EEF1E1: variants seen among roughly 807,000 people sequenced by gnomAD.
The protein encoded by EEF1E1 is eukaryotic translation elongation factor 1 epsilon-1.
In EEF1E1, 19 loss-of-function variants were observed where a neutral mutation model predicts 19.9. The observed-to-expected ratio is 0.95, with a 90% confidence interval of 0.66 to 1.40. The LOEUF (loss-of-function observed/expected upper bound fraction) is 1.40, where lower values mean the gene tolerates loss of function less well. Ranked by LOEUF, EEF1E1 falls within the 40% of genes most tolerant of loss-of-function variation. The pLI, the probability that EEF1E1 is intolerant of heterozygous loss-of-function variation, is 0.00. For synonymous variants in EEF1E1, 81 were observed against 80.0 expected (o/e 1.01, Z -0.07); for missense variants, 198 against 202.2 (o/e 0.98, Z 0.13).
intron 3 of EEF1E1, among the ~76,000 whole-genome samples, chr6:8,081,121 G>A (rs548714698): frequency 1.3e-5 from 2 of 152,302 alleles, no homozygotes; most frequent in Non-Finnish European, 2.9e-5. Flanking sequence ...ATGTTTATTT[G>A]GACTCGTATT....
intron 2 of EEF1E1, 123 bp downstream of exon 2, chr6:8,097,144 C>G (rs1323147343): frequency 2.1e-6 from 2 of 946,756 alleles, no homozygotes; most frequent in Non-Finnish European, 3.3e-6. Flanking sequence ...ATAACAGATG[C>G]AAACTACTGA....
At position 8,099,785 on chromosome 6, in the gene EEF1E1, C is replaced by G. The variant is rs924611245; in HGVS notation, c.88-2318G>C. On this transcript the variant is annotated intron_variant, in intron 1 of 3. Coordinates refer to ENST00000379715, the MANE Select transcript of EEF1E1 (RefSeq NM_004280.5). ...ACACACACACACACACACACACACA[C>G]ACACACAAAAAAAAAACAGAACCCT... Among the ~76,000 whole-genome samples the G allele has an allele frequency of 3.9e-3, 366 of 94,412 alleles. 12 individuals carry two copies. The highest frequency in any genetic ancestry group is 0.019 in the African/African-American group (344 of 18,546). The allele number at this position is 94,412 out of a possible 152,430, so 61.9% of individuals were successfully genotyped here. A position where few individuals can be genotyped will look rare whatever the true frequency, so the allele number is the denominator to read the frequency against.
At chr6:8,094,626 T>C (rs144595124) in intron 2 of EEF1E1, among the ~76,000 whole-genome samples, 6 of 152,006 alleles carry the variant, frequency 3.9e-5, no homozygotes, top group Non-Finnish European at 8.8e-5. Context: ...CTCAAGTATT[T>C]AGCAACAATC....
intron 3 of EEF1E1, 134 bp from the exon 4 acceptor site, chr6:8,080,164 T>C: frequency 1.1e-6 from 1 of 929,996 alleles, no homozygotes; most frequent in Non-Finnish European, 1.6e-6. Flanking sequence ...AGCCAACATA[T>C]TCAGATAGGA....
chr6:8,095,010 A>G (rs1017527578), intron 2 of EEF1E1, among the ~76,000 whole-genome samples: 3 of 152,226 alleles, frequency 2.0e-5, no homozygotes, highest in African/African-American at 7.2e-5. Context: ...CTTGCAGTTA[A>G]CAGTAGGCTA....
chr6:8,093,261 C>CT (rs1758070152), intron 2 of EEF1E1, among the ~76,000 whole-genome samples: 1 of 150,646 alleles, frequency 6.6e-6, no homozygotes, highest in African/African-American at 2.4e-5. Context: ...TACCAAAAGA[C>CT]AGAGTTTCAC....
downstream of EEF1E1, among the ~76,000 whole-genome samples, chr6:8,076,544 A>C (rs1201119136): frequency 3.3e-5 from 5 of 151,374 alleles, no homozygotes; most frequent in Non-Finnish European, 7.4e-5. Flanking sequence ...AGGATGGTCT[A>C]AATCTCCTGA....
At chr6:8,076,612 C>A (rs1235346605), downstream of EEF1E1, among the ~76,000 whole-genome samples, 1 of 152,054 alleles carries the variant, frequency 6.6e-6, no homozygotes, top group Non-Finnish European at 1.5e-5. Flanking sequence ...CATGAGCCAC[C>A]ACGCCCGGCC....
chr6:8,098,277 AC>A (rs1454720031), intron 1 of EEF1E1, among the ~76,000 whole-genome samples: 1 of 151,788 alleles, frequency 6.6e-6, no homozygotes, highest in African/African-American at 2.4e-5. Context: ...GTGCCACCAC[AC>A]CCGGAAGTTT....
At chr6:8,080,059 C>T (rs754051616) in intron 3 of EEF1E1, 29 bp from the exon 4 acceptor site, 11 of 1,609,676 alleles carry the variant, frequency 6.8e-6, no homozygotes, top group African/African-American at 5.3e-5. Flanking sequence ...CATACACACA[C>T]AACACAGATG....
intron 1 of EEF1E1, among the ~76,000 whole-genome samples, chr6:8,099,751 A>AACACACACACAC (rs1554099744): frequency 3.1e-3 from 290 of 92,948 alleles, no homozygotes; most frequent in African/African-American, 8.1e-3. Context: ...CCGCCTCAAA[A>AACACACACACAC]ACACACACAC....
In EEF1E1 at chr6:8,079,685, T is replaced by C. The variant is rs1331493306; in HGVS notation, c.*205A>G. 13 of 1,268,820 alleles carry C rather than the reference T, an allele frequency of 1.0e-5. No individual in the cohort carries two copies. The highest frequency in any genetic ancestry group is 1.5e-5 in the African/African-American group (1 of 67,108). 78.6% of individuals were successfully genotyped at this position (1,268,820 alleles called of 1,614,324 possible). On this transcript the variant is annotated 3_prime_UTR_variant, in exon 4 of 4. Coordinates refer to ENST00000379715, the MANE Select transcript of EEF1E1 (RefSeq NM_004280.5). ...TATAACTGGATCTCAACTTGTTTAA[T>C]AGCAATTGAATTTTGACATAAAAAT...
At chr6:8,075,451 T>A (rs916048721), downstream of EEF1E1, among the ~76,000 whole-genome samples, 2 of 152,184 alleles carry the variant, frequency 1.3e-5, no homozygotes, top group Non-Finnish European at 2.9e-5. Context: ...TTGCACAAAT[T>A]TTTCAGTTCC....
rs1757680800 is a variant in EEF1E1, at chr6:8,079,772, C to T, written c.*118G>A. ...GACACAAGTTTACACTTCAAAAATT[C>T]TATCAACTTCAACAAATAATGAATG... On this transcript the variant is annotated 3_prime_UTR_variant, in exon 4 of 4. Transcript: ENST00000379715. 6 of 1,346,616 alleles carry T rather than the reference C, an allele frequency of 4.5e-6. No homozygotes were observed. The highest frequency in any genetic ancestry group is 1.9e-6 in the Non-Finnish European group (2 of 1,044,312). 83.4% of individuals were successfully genotyped at this position (1,346,616 alleles called of 1,614,324 possible). A position where few individuals can be genotyped will look rare whatever the true frequency, so the allele number is the denominator to read the frequency against.
intron 3 of EEF1E1, chr6:8,073,587 T>C: frequency 2.0e-6 from 3 of 1,519,388 alleles, no homozygotes; most frequent in Middle Eastern, 1.7e-4. Flanking sequence ...AAATGCTCAA[T>C]AAATGTTATC....
At chr6:8,083,417 C>A (rs1157329919) in intron 3 of EEF1E1, among the ~76,000 whole-genome samples, 1 of 152,188 alleles carries the variant, frequency 6.6e-6, no homozygotes, top group Admixed American at 6.5e-5. Flanking sequence ...ATCTTACAGT[C>A]AAGCAGCACA....
rs1554099258 is a variant in EEF1E1 at position 8,092,868 on chromosome 6, G to GTTTTTTTTTTTTTTTTTTT, written c.289-2588_289-2587insAAAAAAAAAAAAAAAAAAA. Among the ~76,000 whole-genome samples, 3 of 108,200 alleles carry GTTTTTTTTTTTTTTTTTTT rather than the reference G, an allele frequency of 2.8e-5. 1 individual carries two copies. The allele number at this position is 108,200 out of a possible 152,430, so 71.0% of individuals were successfully genotyped here. A position where few individuals can be genotyped will look rare whatever the true frequency, so the allele number is the denominator to read the frequency against. ...GTTTTGTGTTTTAGTGATAAAGACT[G>GTTTTTTTTTTTTTTTTTTT]CTTTTTTTTTTTTTTTTTTTTTTTG... On this transcript the variant is annotated intron_variant, in intron 2 of 3. Transcript: ENST00000379715.
chr6:8,094,377 A>G (rs1389981492), intron 2 of EEF1E1, among the ~76,000 whole-genome samples: 3 of 151,880 alleles, frequency 2.0e-5, no homozygotes, highest in Non-Finnish European at 2.9e-5. Flanking sequence ...CGGGTGGACC[A>G]CTTGAGGTTA....
chr6:8,078,863 A>G, downstream of EEF1E1: 2 of 1,089,814 alleles, frequency 1.8e-6, no homozygotes, highest in South Asian at 1.9e-5. Context: ...AAAGTAAGAA[A>G]ATATGATTGA....
Sources: allele counts gnomAD v4.1 joint callset (sites outside exome capture counted in the v4.1 genomes callset), GRCh38; gene constraint gnomAD v4.1.1; transcripts MANE v1.5; gene names NCBI Gene and HGNC (gene_info 2026-07-23, HGNC 2026-07-21).